Variants in DNAJC5 observed in about 807,000 individuals in gnomAD.
DNAJC5 encodes dnaJ homolog subfamily C member 5.
DNAJC5 carries 1 observed loss-of-function variant against 23.2 expected under a neutral mutation model. The observed-to-expected ratio is 0.04, with a 90% CI of 0.02 to 0.20. DNAJC5 has a LOEUF of 0.20. DNAJC5 is among the 10% of genes least tolerant of loss of function. DNAJC5 has a pLI of 1.00. For synonymous variants in DNAJC5, 136 were observed against 120.0 expected (o/e 1.13, Z -0.87); for missense variants, 180 against 267.0 (o/e 0.67, Z 2.27).
rs928671232 is a variant in DNAJC5, at chr20:63,932,621, C to T, written c.*1053C>T. 9 of 152,586 alleles carry T rather than the reference C, an allele frequency of 5.9e-5. No homozygotes were observed. Among genetic ancestry groups the T allele is most frequent in the African/African-American group, 1.4e-4 (6 of 41,460 alleles). The allele number at this position is 152,586 out of a possible 1,614,324, so 9.5% of individuals were successfully genotyped here. A position where few individuals can be genotyped will look rare whatever the true frequency, so the allele number is the denominator to read the frequency against. ...CTCCTCCTGTGTTTGCCAGAGCTCC[C>T]ATCTGCCCCACTCGCCTTTGCCCCG... On this transcript the variant is annotated 3_prime_UTR_variant, in exon 5 of 5. Transcript: ENST00000360864. The surrounding 1 kb of genome is among the most constrained non-coding windows in gnomAD (Gnocchi z 4.4).
Position 63,928,243 on chromosome 20 carries a change from T to C in DNAJC5, c.-11-92T>C. 1 of 1,063,774 alleles carries C rather than the reference T, an allele frequency of 9.4e-7. No homozygotes were observed. The highest frequency in any genetic ancestry group is 1.4e-6 in the Non-Finnish European group (1 of 705,682). 65.9% of individuals were successfully genotyped at this position (1,063,774 alleles called of 1,614,324 possible). ...ACAAGGCAGTGTTGGATTCTTTTGC[T>C]TTGAACGGTCTTATGGAATAAAGTC... is the stretch of plus-strand genomic sequence containing the variant. On this transcript the variant is annotated intron_variant, in intron 1 of 4. Coordinates refer to ENST00000360864, the MANE Select transcript of DNAJC5 (RefSeq NM_025219.3). This position sits in a 1 kb window ranked among gnomAD's most constrained non-coding sequence, Gnocchi z 4.6.
At chr20:63,901,328 C>T (rs546918961) in intron 1 of DNAJC5, among the ~76,000 whole-genome samples, 3 of 152,220 alleles carry the variant, frequency 2.0e-5, no homozygotes, top group Admixed American at 6.5e-5. Context: ...AAGATGGAAT[C>T]GACTTCCCAG....
chr20:63,898,920 C>T (rs2053391489), intron 1 of DNAJC5, among the ~76,000 whole-genome samples: 1 of 152,212 alleles, frequency 6.6e-6, no homozygotes, highest in African/African-American at 2.4e-5. Flanking sequence ...TCTCGTGCCA[C>T]AAAGTCCTGA....
chr20:63,901,620 G>C (rs901441909), intron 1 of DNAJC5, among the ~76,000 whole-genome samples: 1 of 152,244 alleles, frequency 6.6e-6, no homozygotes, highest in Non-Finnish European at 1.5e-5. Context: ...GGTGCCTGAC[G>C]GGAGGAGTGA....
intron 1 of DNAJC5, among the ~76,000 whole-genome samples, chr20:63,911,718 G>C (rs1230623569): frequency 6.6e-6 from 1 of 151,854 alleles, no homozygotes; most frequent in African/African-American, 2.4e-5. Flanking sequence ...CTGTCAATCA[G>C]GCTGGAGTGC....
At position 63,929,480 on chromosome 20, in the gene DNAJC5, A is replaced by G; in HGVS notation, c.276A>G (p.Glu92=). The change falls in exon 3 of 5, where the codon GAA becomes GAG. Residue 92 remains glutamate (E), a synonymous_variant. Transcript: ENST00000360864. This position sits in a 1 kb window ranked among gnomAD's most constrained non-coding sequence, Gnocchi z 8.6. ...TCTACGTGGCCGAGCAGTTTGGGGAAGAGAACGTGAACACCTACTTCGTGC... is the reference window on the plus strand; with the variant it reads ...TCTACGTGGCCGAGCAGTTTGGGGAGGAGAACGTGAACACCTACTTCGTGC... ...LGLYVAEQFG[E]ENVNTYFVLS... The G allele has an allele frequency of 6.2e-7, 1 of 1,614,108 alleles. No individual in the cohort carries two copies. Among genetic ancestry groups the G allele is most frequent in the Non-Finnish European group, 8.5e-7 (1 of 1,180,000 alleles).
intron 1 of DNAJC5, chr20:63,919,402 G>A (rs778767837): frequency 2.0e-6 from 1 of 490,656 alleles, no homozygotes; most frequent in Non-Finnish European, 4.1e-6. Context: ...GTGTGGACAT[G>A]TGCCCAGGGC....
At chr20:63,906,835 C>G (rs1012072840) in intron 1 of DNAJC5, among the ~76,000 whole-genome samples, 1 of 151,540 alleles carries the variant, frequency 6.6e-6, no homozygotes, top group African/African-American at 2.4e-5. Flanking sequence ...TGGGTGCCAT[C>G]GCTCGCACCT....
At chr20:63,914,957 A>G (rs143777807) in intron 1 of DNAJC5, among the ~76,000 whole-genome samples, 45 of 152,314 alleles carry the variant, frequency 3.0e-4, no homozygotes, top group African/African-American at 1.1e-3. Context: ...ATGGCCTCAG[A>G]TAATTTCAGA....
Position 63,931,604 on chromosome 20 carries a change from G to C in DNAJC5, c.*36G>C. On this transcript the variant is annotated 3_prime_UTR_variant, in exon 5 of 5. Coordinates refer to ENST00000360864, the MANE Select transcript of DNAJC5 (RefSeq NM_025219.3). This position sits in a 1 kb window ranked among gnomAD's most constrained non-coding sequence, Gnocchi z 9.6. ...AGCTGTGGTCAGAGGAGGAGCCGGCGCCTGGCCACGCCAACCTTAGAATCA... is the reference window on the plus strand; with the variant it reads ...AGCTGTGGTCAGAGGAGGAGCCGGCCCCTGGCCACGCCAACCTTAGAATCA... 6.6e-7 allele frequency: 1 copy of C among 1,507,938 alleles called. No homozygotes were observed. The highest frequency in any genetic ancestry group is 8.9e-7 in the Non-Finnish European group (1 of 1,118,056). The allele number at this position is 1,507,938 out of a possible 1,614,324, so 93.4% of individuals were successfully genotyped here.
At position 63,929,414 on chromosome 20, in the gene DNAJC5, C is replaced by A; in HGVS notation, c.210C>A (p.Ala70=). Residue 70 remains alanine, a synonymous_variant, in exon 3 of 5, where the codon GCC becomes GCA. Coordinates refer to ENST00000360864, the MANE Select transcript of DNAJC5 (RefSeq NM_025219.3). This position sits in a 1 kb window ranked among gnomAD's most constrained non-coding sequence, Gnocchi z 8.6. ...INNAHAILTD[A]TKRNIYDKYG... ...ACGCGCACGCCATCCTCACGGACGC[C>A]ACAAAAAGGAACATCTACGACAAGT... 1 of 1,614,174 alleles carries A rather than the reference C, an allele frequency of 6.2e-7. No homozygotes were observed. Among genetic ancestry groups the A allele is most frequent in the Non-Finnish European group, 8.5e-7 (1 of 1,180,042 alleles).
rs387907043 is a variant in DNAJC5, at chr20:63,930,873, T to A, written c.344T>A (p.Leu115His). 1 of 1,613,490 alleles carries A rather than the reference T, an allele frequency of 6.2e-7. No homozygotes were observed. Among genetic ancestry groups the A allele is most frequent in the African/African-American group, 1.3e-5 (1 of 75,042 alleles). Residue 115 changes from leucine to histidine, a missense_variant, in exon 4 of 5, where the codon CTC becomes CAC. This residue lies in a region of DNAJC5 where 97 missense variants were observed against 123.4 expected (regional missense o/e 0.79). Coordinates refer to ENST00000360864, the MANE Select transcript of DNAJC5 (RefSeq NM_025219.3). ...WAKALFVFCGLLTCCYCCCCL... is the reference protein window; with the variant it reads ...WAKALFVFCGHLTCCYCCCCL... Reference sequence around the variant, plus strand: ...CAGGCCCTGTTTGTCTTCTGCGGCCTCCTCACGTGCTGCTACTGCTGCTGC... The same window carrying A: ...CAGGCCCTGTTTGTCTTCTGCGGCCACCTCACGTGCTGCTACTGCTGCTGC...
At chr20:63,905,073 A>G (rs576935100) in intron 1 of DNAJC5, among the ~76,000 whole-genome samples, 2 of 146,942 alleles carry the variant, frequency 1.4e-5, no homozygotes, top group African/African-American at 5.0e-5. Context: ...CCAAAGTGTC[A>G]GGATTATAGG....
At chr20:63,916,364 C>T (rs2053515660) in intron 1 of DNAJC5, among the ~76,000 whole-genome samples, 1 of 152,208 alleles carries the variant, frequency 6.6e-6, no homozygotes. Context: ...AGCTGGGCCC[C>T]CCGGGTGACA....
rs746052000 is a variant in DNAJC5 at position 63,929,393 on chromosome 20, G to T, written c.189G>T (p.Ala63=). 1.9e-6 allele frequency: 3 copies of T among 1,614,000 alleles called. No individual in the cohort carries two copies. The highest frequency in any genetic ancestry group is 1.7e-5 in the Admixed American group (1 of 60,000). The change falls in exon 3 of 5, where the codon GCG becomes GCT. Residue 63 remains alanine (A), a synonymous_variant. Transcript: ENST00000360864. This position sits in a 1 kb window ranked among gnomAD's most constrained non-coding sequence, Gnocchi z 8.6. The stretch of plus-strand genomic sequence containing the variant: ...ACAAGTTTAAGGAGATCAACAACGC[G>T]CACGCCATCCTCACGGACGCCACAA... ...AADKFKEINN[A]HAILTDATKR... is the part of the protein sequence containing the mutation.
chr20:63,908,681 G>A (rs1410133111), intron 1 of DNAJC5, among the ~76,000 whole-genome samples: 1 of 152,236 alleles, frequency 6.6e-6, no homozygotes, highest in Non-Finnish European at 1.5e-5. Flanking sequence ...GCAGGCACGT[G>A]CCTGTGGTCC....
In DNAJC5 at chr20:63,928,240, T is replaced by C; in HGVS notation, c.-11-95T>C. On this transcript the variant is annotated intron_variant, in intron 1 of 4. Coordinates refer to ENST00000360864, the MANE Select transcript of DNAJC5 (RefSeq NM_025219.3). The surrounding 1 kb of genome is among the most constrained non-coding windows in gnomAD (Gnocchi z 4.6). ...TCCACAAGGCAGTGTTGGATTCTTT[T>C]GCTTTGAACGGTCTTATGGAATAAA... The C allele has an allele frequency of 9.9e-7, 1 of 1,012,862 alleles. No individual in the cohort carries two copies. Among genetic ancestry groups the C allele is most frequent in the Non-Finnish European group, 1.5e-6 (1 of 661,154 alleles). The allele number at this position is 1,012,862 out of a possible 1,614,324, so 62.7% of individuals were successfully genotyped here.
Position 63,931,222 on chromosome 20 carries a change from G to A in DNAJC5, c.493+200G>A, listed in dbSNP as rs2053667470. 3.8e-6 allele frequency: 3 copies of A among 791,848 alleles called. No homozygotes were observed. The highest frequency in any genetic ancestry group is 4.3e-6 in the Non-Finnish European group (2 of 468,048). 49.1% of individuals were successfully genotyped at this position (791,848 alleles called of 1,614,324 possible). On this transcript the variant is annotated intron_variant, in intron 4 of 4. Transcript: ENST00000360864. The surrounding 1 kb of genome is among the most constrained non-coding windows in gnomAD (Gnocchi z 9.6). ...TAGAGCTGTCCCCGCCGTGACCTGC[G>A]GTAGCCGTAGATCCCAGGGACTGCG...
chr20:63,899,748 A>AT (rs1179938170), intron 1 of DNAJC5, among the ~76,000 whole-genome samples: 1 of 151,224 alleles, frequency 6.6e-6, no homozygotes, highest in South Asian at 2.1e-4. Context: ...CGCCAGGCTA[A>AT]TTTTTTGTAT....
Sources: allele counts gnomAD v4.1 joint callset (sites outside exome capture counted in the v4.1 genomes callset), GRCh38; gene constraint gnomAD v4.1.1; regional missense constraint gnomAD v4.1.1; non-coding constraint Gnocchi (gnomAD v3.1); transcripts MANE v1.5; gene names NCBI Gene and HGNC (gene_info 2026-07-23, HGNC 2026-07-21).